ORC4: variants seen among roughly 807,000 people sequenced by gnomAD.
The protein encoded by ORC4 is origin recognition complex, subunit 4 homolog.
ORC4 carries 55 observed loss-of-function variants against 63.9 expected under a neutral mutation model. That is an observed-to-expected ratio of 0.86 (90% CI 0.69 to 1.08). The LOEUF is 1.08. Ranked by LOEUF, ORC4 falls within the 50% of genes least tolerant of loss-of-function variation. The probability of loss-of-function intolerance (pLI) is 0.00; values close to 1 mark genes in which losing one functional copy is unlikely to be tolerated. For missense variants in ORC4, 511 were observed against 504.4 expected (o/e 1.01, Z -0.13); for synonymous variants, 150 against 168.5 (o/e 0.89, Z 0.85).
At chr2:147,952,196 G>A (rs1229537198) in intron 8 of ORC4, among the ~76,000 whole-genome samples, 177 bp downstream of exon 8, 1 of 152,084 alleles carries the variant, frequency 6.6e-6, no homozygotes, top group African/African-American at 2.4e-5. Flanking sequence ...AATGGGCTAA[G>A]GTAACTACTA....
At chr2:147,987,391 TACAC>T (rs763374232) in intron 1 of ORC4, among the ~76,000 whole-genome samples, 5 of 136,620 alleles carry the variant, frequency 3.7e-5, no homozygotes, top group African/African-American at 1.0e-4. Context: ...TGTATATATA[TACAC>T]ACACACACAC....
intron 1 of ORC4, among the ~76,000 whole-genome samples, chr2:148,020,373 C>T (rs1389177440): frequency 6.6e-6 from 1 of 152,196 alleles, no homozygotes; most frequent in Non-Finnish European, 1.5e-5. Context: ...CACCTACTAC[C>T]CCGATGCAGA....
At chr2:147,964,256 A>G (rs1344374715) in intron 4 of ORC4, among the ~76,000 whole-genome samples, 1 of 152,204 alleles carries the variant, frequency 6.6e-6, no homozygotes, top group Admixed American at 6.5e-5. Flanking sequence ...ATTAACAGAG[A>G]TACCATAAAA....
chr2:147,955,382 T>C lies in ORC4; in HGVS notation c.401A>G (p.Glu134Gly). 6.2e-7 allele frequency: 1 copy of C among 1,605,018 alleles called. No individual in the cohort carries two copies. The highest frequency in any genetic ancestry group is 8.5e-7 in the Non-Finnish European group (1 of 1,172,966). Residue 134 changes from glutamate (E) to glycine (G), a missense_variant, in exon 7 of 14, where the codon GAA becomes GGA. By Grantham distance (98) the Glu-to-Gly change is moderately conservative (BLOSUM62 -2). Transcript: ENST00000392857. ...VGDKVFGSFA[E>G]NLSFLLEALK... ...AGCTTCCAGAAGAAATGAAAGGTTT[T>C]CAGCAAAGCTTCCCTGAACAACAAA...
At chr2:147,990,566 T>C (rs142621876) in intron 1 of ORC4, among the ~76,000 whole-genome samples, 1 of 152,354 alleles carries the variant, frequency 6.6e-6, no homozygotes, top group East Asian at 1.9e-4. Context: ...TATATCAAGT[T>C]GGGGCACAGC....
intron 1 of ORC4, among the ~76,000 whole-genome samples, chr2:147,992,881 A>G (rs555427833): frequency 2.6e-5 from 4 of 152,332 alleles, no homozygotes; most frequent in African/African-American, 9.6e-5. Flanking sequence ...AGCCAGCCAC[A>G]GAACCTAAAT....
rs531903582 is a variant in ORC4, at chr2:148,011,345, T to C, written c.-18+9288A>G. ...TATGTAAATCAATCAGTGTGATACA[T>C]GGTATCAACAGAATGAAGGACACAA... On this transcript the variant is annotated intron_variant, in intron 1 of 13. Coordinates refer to ENST00000392857, the MANE Select transcript of ORC4 (RefSeq NM_181741.4). Among the ~76,000 whole-genome samples the C allele has an allele frequency of 2.6e-5, 4 of 152,312 alleles. No homozygotes were observed. The East Asian group carries it at 7.7e-4, about 29-fold the overall frequency.
intron 9 of ORC4, among the ~76,000 whole-genome samples, chr2:147,944,432 A>G (rs2105275222): frequency 6.6e-6 from 1 of 152,250 alleles, no homozygotes; most frequent in South Asian, 2.1e-4. Flanking sequence ...GAGGTTCAAC[A>G]ATATAAACTA....
chr2:147,983,612 C>A (rs1691017434), intron 1 of ORC4, among the ~76,000 whole-genome samples: 1 of 152,156 alleles, frequency 6.6e-6, no homozygotes, highest in South Asian at 2.1e-4. Flanking sequence ...AAAACCTCCA[C>A]AGACAGAACA....
intron 1 of ORC4, among the ~76,000 whole-genome samples, chr2:148,015,469 C>G (rs147327022): frequency 2.6e-5 from 4 of 151,772 alleles, no homozygotes; most frequent in Non-Finnish European, 5.9e-5. Context: ...CACCCGCCAC[C>G]ACGCCTGGCT....
intron 1 of ORC4, among the ~76,000 whole-genome samples, chr2:147,999,442 T>C (rs1163662471): frequency 6.6e-6 from 1 of 152,198 alleles, no homozygotes; most frequent in African/African-American, 2.4e-5. Context: ...CAGGATAACA[T>C]TTTAAACTTG....
chr2:147,966,937 T>C lies in ORC4; in HGVS notation c.225+5802A>G, dbSNP rs560160732. On this transcript the variant is annotated intron_variant, in intron 4 of 13. Transcript: ENST00000392857. ...GGTCAACATCTCTGATGAATATAGA[T>C]GCAAAAGTCTTCAATAAAGTATTAG... Among the ~76,000 whole-genome samples the C allele has an allele frequency of 2.0e-5, 3 of 152,266 alleles. No homozygotes were observed. The South Asian group carries it at 6.2e-4, about 32-fold the overall frequency.
chr2:147,935,753 CCTGTT>C, intron 13 of ORC4, 55 bp from the exon 14 acceptor site: 4 of 1,437,636 alleles, frequency 2.8e-6, no homozygotes, highest in African/African-American at 1.4e-5. Flanking sequence ...TGACAACTCT[CCTGTT>C]CTCTCCCAGA....
chr2:148,007,717 G>A (rs1354779849), intron 1 of ORC4, among the ~76,000 whole-genome samples: 2 of 152,114 alleles, frequency 1.3e-5, no homozygotes, highest in African/African-American at 2.4e-5. Context: ...ACAGGTACAA[G>A]AAGGTCAAAG....
rs781522335 is a variant in ORC4, at chr2:147,958,788, T to G, written c.301+3A>C. 1 of 1,394,116 alleles carries G rather than the reference T, an allele frequency of 7.2e-7. No homozygotes were observed. Among genetic ancestry groups the G allele is most frequent in the African/African-American group, 1.4e-5 (1 of 70,756 alleles). The allele number at this position is 1,394,116 out of a possible 1,614,324, so 86.4% of individuals were successfully genotyped here. A position where few individuals can be genotyped will look rare whatever the true frequency, so the allele number is the denominator to read the frequency against. On this transcript the variant is annotated splice_donor_region_variant and intron_variant, in intron 5 of 13. Coordinates refer to ENST00000392857, the MANE Select transcript of ORC4 (RefSeq NM_181741.4). ...TCCAATGGCAAAATAATGGCATACT[T>G]ACCATTTAAGTGAACTTGTAATACA...
chr2:148,010,848 CTTTTTTTTTTTTT>C (rs201359357), intron 1 of ORC4, among the ~76,000 whole-genome samples: 11 of 98,536 alleles, frequency 1.1e-4, no homozygotes, highest in Non-Finnish European at 1.8e-4. Context: ...CAGATTTATT[CTTTTTTTTTTTTT>C]TTTTTTTTTT....
Position 147,931,772 on chromosome 2 carries a change from A to ACT in ORC4, c.*3736_*3737dup, listed in dbSNP as rs1220690998. On this transcript the variant is annotated 3_prime_UTR_variant, in exon 14 of 14. Transcript: ENST00000392857. Reference sequence around the variant, plus strand: ...AATTCAACAACCCTTCATGCTAAAAACTCTCAATAAATTAGGGATTGATGG... The same window carrying ACT: ...AATTCAACAACCCTTCATGCTAAAAACTCTCTCAATAAATTAGGGATTGATGG... 6.6e-6 allele frequency: 1 copy of ACT among 151,814 alleles called. No individual in the cohort carries two copies. Among genetic ancestry groups the ACT allele is most frequent in the Admixed American group, 6.6e-5 (1 of 15,214 alleles). The allele number at this position is 151,814 out of a possible 1,614,324, so 9.4% of individuals were successfully genotyped here. A position where few individuals can be genotyped will look rare whatever the true frequency, so the allele number is the denominator to read the frequency against.
chr2:147,945,586 T>A (rs1349959158), intron 9 of ORC4, among the ~76,000 whole-genome samples: 5 of 152,112 alleles, frequency 3.3e-5, no homozygotes, highest in African/African-American at 1.2e-4. Flanking sequence ...TTTCAAAGGA[T>A]CCCTCTTATA....
intron 10 of ORC4, among the ~76,000 whole-genome samples, chr2:147,940,884 C>G (rs895546930): frequency 1.3e-5 from 2 of 152,030 alleles, no homozygotes; most frequent in Non-Finnish European, 1.5e-5. Flanking sequence ...TCTATGACTA[C>G]TTTACCTGCT....
Sources: gnomAD v4.1 joint callset for allele counts (sites outside exome capture counted in the v4.1 genomes callset) on GRCh38, gnomAD v4.1.1 for gene constraint, MANE v1.5 for transcripts, NCBI Gene and HGNC (gene_info 2026-07-23, HGNC 2026-07-21) for gene names.